TTN: variants seen among roughly 807,000 people sequenced by gnomAD.
TTN encodes the protein connectin.
TTN carries 1,525 observed loss-of-function variants against 3,223.0 expected under a neutral mutation model. The observed-to-expected ratio is 0.47, with a 90% confidence interval of 0.45 to 0.49. The LOEUF is 0.49. Ranked by LOEUF, TTN falls within the 20% of genes least tolerant of loss-of-function variation. The pLI is 0.00. For missense variants in TTN, 40,786 were observed against 43,424.0 expected, an observed-to-expected ratio of 0.94 and a Z score of 5.40; for synonymous variants, 14,094 against 15,161.0, an observed-to-expected ratio of 0.93 and a Z score of 5.17.
Position 178,599,533 on chromosome 2 carries a change from A to G in TTN, c.56347+21T>C, listed in dbSNP as rs758401618. The G allele has an allele frequency of 3.9e-6, 6 of 1,526,344 alleles. No individual in the cohort carries two copies. The East Asian group carries it at 1.4e-4, about 35-fold the overall frequency. The allele number at this position is 1,526,344 out of a possible 1,614,324, so 94.6% of individuals were successfully genotyped here. The stretch of plus-strand genomic sequence containing the variant: ...ATGAACAGAAAAACAAGTAATTTTA[A>G]CCAAACCATGCAGTCTTTACCCAGG... On this transcript the variant is annotated intron_variant, in intron 289 of 362. Transcript: ENST00000589042.
chr2:178,565,874 T>G lies in TTN; in HGVS notation c.80258A>C (p.Tyr26753Ser), dbSNP rs1321131877. 4 of 1,613,670 alleles carry G rather than the reference T, an allele frequency of 2.5e-6. No individual in the cohort carries two copies. Among genetic ancestry groups the G allele is most frequent in the South Asian group, 1.1e-5 (1 of 91,074 alleles). ...ATTTTCAGCCATGACTCTGAAGTAATAAATGGCTCCTTCTGTAAGGTTTTC... is the reference window on the plus strand; with the variant it reads ...ATTTTCAGCCATGACTCTGAAGTAAGAAATGGCTCCTTCTGTAAGGTTTTC... ...KVENLTEGAI[Y>S]YFRVMAENEF... Residue 26753 changes from tyrosine (Y) to serine (S), a missense_variant, in exon 326 of 363, where the codon TAT (tyrosine) becomes TCT (serine). By Grantham distance (144) the Tyr-to-Ser change is moderately radical (BLOSUM62 -2). Transcript: ENST00000589042.
Position 178,614,237 on chromosome 2 carries a change from A to G in TTN, c.49160T>C (p.Val16387Ala), listed in dbSNP as rs765925142. Residue 16387 changes from valine (V) to alanine (A), a missense_variant, in exon 262 of 363, where the codon GTT (valine) becomes GCT (alanine). Val to Ala is a moderately conservative substitution (Grantham distance 64, BLOSUM62 0). Transcript: ENST00000589042. ...ACTATCAGTTGCTCGTCTCTCCACA[A>G]CATAGTTTGTGATCTTAGATCCACC... is the stretch of plus-strand genomic sequence containing the variant. Reference protein sequence around the residue: ...DDGGSKITNYVVERRATDSEV... With the variant: ...DDGGSKITNYAVERRATDSEV... The G allele has an allele frequency of 6.2e-7, 1 of 1,612,614 alleles. No homozygotes were observed. The highest frequency in any genetic ancestry group is 8.5e-7 in the Non-Finnish European group (1 of 1,179,272).
At position 178,549,446 on chromosome 2, in the gene TTN, T is replaced by G; in HGVS notation, c.92180A>C (p.Glu30727Ala). 6.2e-7 allele frequency: 1 copy of G among 1,607,830 alleles called. No homozygotes were observed. The highest frequency in any genetic ancestry group is 8.5e-7 in the Non-Finnish European group (1 of 1,175,394). ...YTVPDAPGIP[E>A]PSNITGNSIT... Reference sequence around the variant, plus strand: ...GCTGTTGCCTGTTATGTTGCTAGGTTCTGGAATGCCAGGGGCATCAGGAAC... The same window carrying G: ...GCTGTTGCCTGTTATGTTGCTAGGTGCTGGAATGCCAGGGGCATCAGGAAC... The change falls in exon 339 of 363, where the codon GAA becomes GCA. Residue 30727 changes from glutamate (E) to alanine (A), a missense_variant. Physicochemically the swap from Glu to Ala is moderately radical, Grantham distance 107. Coordinates refer to ENST00000589042, the MANE Select transcript of TTN (RefSeq NM_001267550.2).
At position 178,532,723 on chromosome 2, in the gene TTN, A is replaced by G. The variant is rs776709904; in HGVS notation, c.103892T>C (p.Ile34631Thr). Residue 34631 changes from isoleucine (I) to threonine (T), a missense_variant, in exon 358 of 363, where the codon ATA (isoleucine) becomes ACA (threonine). Coordinates refer to ENST00000589042, the MANE Select transcript of TTN (RefSeq NM_001267550.2). ...IPKLSQDDLEIVRPARRRTPS... is the reference protein window; with the variant it reads ...IPKLSQDDLETVRPARRRTPS... ...TGTACGCCGGCGGGCTGGTCTCACT[A>G]TCTCAAGATCATCTTGGGACAGTTT... The G allele has an allele frequency of 8.1e-6, 13 of 1,613,838 alleles. No homozygotes were observed. Among genetic ancestry groups the G allele is most frequent in the Admixed American group, 3.3e-5 (2 of 59,994 alleles).
Position 178,636,418 on chromosome 2 carries a change from G to T in TTN, c.41309C>A (p.Thr13770Lys), listed in dbSNP as rs774214497. The T allele has an allele frequency of 1.4e-5, 22 of 1,609,000 alleles. No homozygotes were observed. Among genetic ancestry groups the T allele is most frequent in the Non-Finnish European group, 1.8e-5 (21 of 1,177,070 alleles). ...ATTACCTTCTACAACAAGTTTAGCC[G>T]TGGAGGTCTTTTCTTTGTTTCCCAA... ...LRLGNKEKTS[T>K]AKLVVEELPV... Residue 13770 changes from threonine to lysine, a missense_variant, in exon 225 of 363, where the codon ACG becomes AAG. Coordinates refer to ENST00000589042, the MANE Select transcript of TTN (RefSeq NM_001267550.2). This position sits in a 1 kb window ranked among gnomAD's most constrained non-coding sequence, Gnocchi z 4.3.
chr2:178,660,795 T>C (rs2064586540), intron 180 of TTN, among the ~76,000 whole-genome samples: 1 of 151,842 alleles, frequency 6.6e-6, no homozygotes, highest in Non-Finnish European at 1.5e-5. Flanking sequence ...GAAGGGCTAA[T>C]ATCCAGAATC....
intron 46 of TTN, among the ~76,000 whole-genome samples, chr2:178,754,969 C>G (rs1420774820): frequency 6.6e-6 from 1 of 152,118 alleles, no homozygotes; most frequent in Non-Finnish European, 1.5e-5. Flanking sequence ...GATGGCTGTG[C>G]ACCTACATAG....
In TTN at chr2:178,588,789, T is replaced by C. The variant is rs375728230; in HGVS notation, c.62936A>G (p.Glu20979Gly). 1 of 1,612,906 alleles carries C rather than the reference T, an allele frequency of 6.2e-7. No homozygotes were observed. The highest frequency in any genetic ancestry group is 8.5e-7 in the Non-Finnish European group (1 of 1,179,182). The change falls in exon 304 of 363, where the codon GAG (glutamate) becomes GGG (glycine). Residue 20979 changes from glutamate (E) to glycine (G), a missense_variant. By Grantham distance (98) the Glu-to-Gly change is moderately conservative (BLOSUM62 -2). Transcript: ENST00000589042. ...PPEVTKVSKEEMTVVWNPPEY... is the reference protein window; with the variant it reads ...PPEVTKVSKEGMTVVWNPPEY... ...AGGTGGATTCCAAACCACAGTCATC[T>C]CTTCTTTGCTTACTTTAGTGACTTC...
rs1444016853 is a variant in TTN at position 178,629,331 on chromosome 2, G to T, written c.44394C>A (p.Leu14798=). ...SYEDIPVEWY[L]KGKKLEPSDK... is the part of the protein sequence containing the mutation. ...CGCTGGGCTCTAGTTTCTTCCCTTT[G>T]AGATACCATTCCACTGGGATATCTT... Residue 14798 remains leucine, a synonymous_variant, in exon 240 of 363, where the codon CTC becomes CTA. Transcript: ENST00000589042. 6.2e-7 allele frequency: 1 copy of T among 1,612,820 alleles called. No individual in the cohort carries two copies. Among genetic ancestry groups the T allele is most frequent in the Middle Eastern group, 1.7e-4 (1 of 6,048 alleles).
Position 178,705,327 on chromosome 2 carries a change from T to G in TTN, c.29451A>C (p.Glu9817Asp), listed in dbSNP as rs747574892. The G allele has an allele frequency of 6.2e-7, 1 of 1,605,474 alleles. No individual in the cohort carries two copies. The highest frequency in any genetic ancestry group is 2.2e-5 in the East Asian group (1 of 44,790). ...KTPILKKGAG[E>D]EEEIDIMELL... ...GTTCCATGATATCAATTTCCTCTTC[T>G]TCTCCAGCTCCTTTCTTTAAGATTG... The change falls in exon 103 of 363, where the codon GAA becomes GAC. Residue 9817 changes from glutamate (E) to aspartate (D), a missense_variant. Coordinates refer to ENST00000589042, the MANE Select transcript of TTN (RefSeq NM_001267550.2).
Position 178,779,419 on chromosome 2 carries a change from A to G in TTN, c.3773T>C (p.Ile1258Thr), listed in dbSNP as rs777307616. 8 of 1,576,120 alleles carry G rather than the reference A, an allele frequency of 5.1e-6. No individual in the cohort carries two copies. Among genetic ancestry groups the G allele is most frequent in the Non-Finnish European group, 7.0e-6 (8 of 1,148,480 alleles). Residue 1258 changes from isoleucine (I) to threonine (T), a missense_variant, in exon 23 of 363, where the codon ATT (isoleucine) becomes ACT (threonine). Transcript: ENST00000589042. ...SSFEERLIKE[I>T]EYRIIKTTLE... Reference sequence around the variant, plus strand: ...TGTAGTCTTTATTATTCTATATTCAATTTCTTTAATAAGTCTCTCTTCAAA... The same window carrying G: ...TGTAGTCTTTATTATTCTATATTCAGTTTCTTTAATAAGTCTCTCTTCAAA...
chr2:178,558,685 T>A lies in TTN; in HGVS notation c.86822-48A>T. ...GAAAGTGAATAATTATTACAGCACT[T>A]TTAAATGTGCACTCTTCATGTATTG... On this transcript the variant is annotated intron_variant, in intron 326 of 362. Coordinates refer to ENST00000589042, the MANE Select transcript of TTN (RefSeq NM_001267550.2). 3.2e-6 allele frequency: 5 copies of A among 1,562,520 alleles called. No homozygotes were observed. In the South Asian group the frequency reaches 5.9e-5, roughly 18 times the overall value.
At chr2:178,711,405 C>T in intron 96 of TTN, 56 bp from the exon 97 acceptor site, 1 of 1,489,196 alleles carries the variant, frequency 6.7e-7, no homozygotes, top group Non-Finnish European at 9.0e-7. Context: ...GCTCTTCTCA[C>T]AATTATATAT....
At position 178,682,852 on chromosome 2, in the gene TTN, G is replaced by C. The variant is rs769173942; in HGVS notation, c.32939C>G (p.Ala10980Gly). The change falls in exon 135 of 363, where the codon GCT (alanine) becomes GGT (glycine). Residue 10980 changes from alanine to glycine, a missense_variant. Ala to Gly is a moderately conservative substitution (Grantham distance 60). Coordinates refer to ENST00000589042, the MANE Select transcript of TTN (RefSeq NM_001267550.2). ...KERAYTLEEE[A>G]VSVQREEEYE... is the part of the protein sequence containing the mutation. The stretch of plus-strand genomic sequence containing the variant: ...TTCTTCTTCCCGTTGTACTGAAACA[G>C]CTTCTTCTTCTAGGGTATAAGCCCT... The C allele has an allele frequency of 6.2e-7, 1 of 1,612,576 alleles. No individual in the cohort carries two copies. Among genetic ancestry groups the C allele is most frequent in the Non-Finnish European group, 8.5e-7 (1 of 1,179,156 alleles).
At chr2:178,615,852 T>A (rs1308418570) in intron 257 of TTN, 64 bp from the exon 258 acceptor site, 1 of 1,524,812 alleles carries the variant, frequency 6.6e-7, no homozygotes, top group Non-Finnish European at 8.8e-7. Context: ...CCCAAAAGAT[T>A]TTTACCATGA....
chr2:178,698,916 T>TAAAAGAAAA lies in TTN; in HGVS notation c.30683-3_30683-2insTTTTCTTTT. On this transcript the variant is annotated splice_polypyrimidine_tract_variant and splice_region_variant and intron_variant, in intron 111 of 362. Transcript: ENST00000589042. ...CTTTCTTCACAGCCTTTTTGGTAAC[T>TAAAAGAAAA]AAAAAAAAAAAAAAAGAAAAAAAAA... 7.6e-7 allele frequency: 1 copy of TAAAAGAAAA among 1,313,996 alleles called. No individual in the cohort carries two copies. The highest frequency in any genetic ancestry group is 9.8e-7 in the Non-Finnish European group (1 of 1,020,732). The allele number at this position is 1,313,996 out of a possible 1,614,324, so 81.4% of individuals were successfully genotyped here.
intron 6 of TTN, among the ~76,000 whole-genome samples, chr2:178,795,846 G>T (rs530630001): frequency 6.6e-6 from 1 of 152,296 alleles, no homozygotes; most frequent in East Asian, 1.9e-4. Context: ...GGTACAGGTT[G>T]TGCAGTGCAC....
At chr2:178,685,117 A>C (rs1419671592) in intron 129 of TTN, 128 bp from the exon 130 acceptor site, 1 of 1,127,996 alleles carries the variant, frequency 8.9e-7, no homozygotes, top group African/African-American at 1.6e-5. Context: ...TACTCAGTAA[A>C]TACGTTCATA....
chr2:178,611,325 A>C (rs531968901), intron 269 of TTN, 47 bp downstream of exon 269: 2 of 1,610,606 alleles, frequency 1.2e-6, no homozygotes, highest in African/African-American at 2.7e-5. Flanking sequence ...AATGCAATGC[A>C]TGAATAAAGG....
Sources: allele counts gnomAD v4.1 joint callset (sites outside exome capture counted in the v4.1 genomes callset), GRCh38; gene constraint gnomAD v4.1.1; non-coding constraint Gnocchi (gnomAD v3.1); transcripts MANE v1.5; gene names NCBI Gene and HGNC (gene_info 2026-07-23, HGNC 2026-07-21).